The following SLC7A5 variants were observed in gnomAD, a reference collection of about 807,000 sequenced individuals.
SLC7A5 encodes solute carrier family 7 member 5.
Under a neutral mutation model 50.2 loss-of-function variants are expected in SLC7A5, and 23 were observed. The ratio of observed to expected loss-of-function variants is 0.46; its 90% CI spans 0.33 to 0.65. The LOEUF (loss-of-function observed/expected upper bound fraction) is 0.65. Among genes scored for constraint, SLC7A5 ranks in the 30% least tolerant of loss-of-function variants. SLC7A5 has a pLI of 0.02. For synonymous variants in SLC7A5, 393 were observed against 330.6 expected (o/e 1.19, Z -2.05); for missense variants, 578 against 684.4 (o/e 0.84, Z 1.73).
At chr16:87,854,985 G>C (rs561489655) in intron 1 of SLC7A5, among the ~76,000 whole-genome samples, 2 of 152,370 alleles carry the variant, frequency 1.3e-5, no homozygotes, top group African/African-American at 4.8e-5. Flanking sequence ...CCCACAGCCC[G>C]GTGAAGGAAG....
At chr16:87,863,889 C>G (rs2055427423) in intron 1 of SLC7A5, among the ~76,000 whole-genome samples, 1 of 150,660 alleles carries the variant, frequency 6.6e-6, no homozygotes. Context: ...ACTGTACCTT[C>G]TGTAGGATCA....
chr16:87,833,713 C>T lies in SLC7A5; in HGVS notation c.1469-688G>A, dbSNP rs1163359910. Among the ~76,000 whole-genome samples the T allele has an allele frequency of 5.9e-5, 9 of 152,096 alleles. No homozygotes were observed. The stretch of plus-strand genomic sequence containing the variant: ...AGCCACCCAGTGACATGGGGATCAG[C>T]ATGTAGGCCCGCAAGCACCCCGGCC... On this transcript the variant is annotated intron_variant, in intron 9 of 9. Transcript: ENST00000261622. The surrounding 1 kb of genome is among the most constrained non-coding windows in gnomAD (Gnocchi z 6.0).
rs1041077039 is a variant in SLC7A5 at position 87,861,858 on chromosome 16, C to G, written c.538+7027G>C. On this transcript the variant is annotated intron_variant, in intron 1 of 9. Transcript: ENST00000261622. This position sits in a 1 kb window ranked among gnomAD's most constrained non-coding sequence, Gnocchi z 4.2. ...CTCCCCCTACGGCCTTGCCCCGAAT[C>G]CCGTGATGCAGCGTGACCTGCCTAG... 1.3e-5 allele frequency among the ~76,000 whole-genome samples: 2 copies of G among 152,240 alleles called. No individual in the cohort carries two copies. The highest frequency in any genetic ancestry group is 2.4e-5 in the African/African-American group (1 of 41,464).
At chr16:87,848,112 T>TGCGGC (rs2055176229) in intron 2 of SLC7A5, among the ~76,000 whole-genome samples, 1 of 145,056 alleles carries the variant, frequency 6.9e-6, no homozygotes, top group Non-Finnish European at 1.5e-5. Context: ...CTTTCTTTCC[T>TGCGGC]TTTTGTGGAC....
At chr16:87,867,228 G>A (rs1240135645) in intron 1 of SLC7A5, among the ~76,000 whole-genome samples, 1 of 152,228 alleles carries the variant, frequency 6.6e-6, no homozygotes. Context: ...CCAACCAGGG[G>A]TTCATTTTTT....
In SLC7A5 at chr16:87,848,836, G is replaced by A. The variant is rs575093079; in HGVS notation, c.664+2888C>T. Reference sequence around the variant, plus strand: ...TCTCATTGGGACCCGGCATAGATGCGGCACACGGGACAGAAGATGGTTCTG... The same window carrying A: ...TCTCATTGGGACCCGGCATAGATGCAGCACACGGGACAGAAGATGGTTCTG... On this transcript the variant is annotated intron_variant, in intron 2 of 9. Coordinates refer to ENST00000261622, the MANE Select transcript of SLC7A5 (RefSeq NM_003486.7). Among the ~76,000 whole-genome samples the A allele has an allele frequency of 1.1e-4, 17 of 152,322 alleles. No homozygotes were observed. The East Asian group carries it at 2.7e-3, about 24-fold the overall frequency.
Position 87,851,853 on chromosome 16 carries a change from T to C in SLC7A5, c.539-4A>G, listed in dbSNP as rs1457795808. On this transcript the variant is annotated splice_region_variant and splice_polypyrimidine_tract_variant and intron_variant, in intron 1 of 9. Coordinates refer to ENST00000261622, the MANE Select transcript of SLC7A5 (RefSeq NM_003486.7). ...CAGTTCACGGCCGTGAGCAGCACTG[T>C]GGAGACAGAGGGCAGCGGTGAGTTC... is the stretch of plus-strand genomic sequence containing the variant. 1 of 1,612,656 alleles carries C rather than the reference T, an allele frequency of 6.2e-7. No individual in the cohort carries two copies. The highest frequency in any genetic ancestry group is 8.5e-7 in the Non-Finnish European group (1 of 1,179,934).
At chr16:87,840,086 C>T (rs2055064193) in intron 4 of SLC7A5, among the ~76,000 whole-genome samples, 1 of 152,216 alleles carries the variant, frequency 6.6e-6, no homozygotes, top group Admixed American at 6.5e-5. Context: ...TCGGGGTGAC[C>T]TCAAGGGCTC....
intron 3 of SLC7A5, among the ~76,000 whole-genome samples, chr16:87,840,838 T>G (rs962435101): frequency 7.9e-5 from 12 of 151,654 alleles, no homozygotes; most frequent in African/African-American, 2.9e-4. Context: ...AGAGCCAGAG[T>G]AGGGCTGCAG....
chr16:87,854,844 C>T (rs938680795), intron 1 of SLC7A5, among the ~76,000 whole-genome samples: 1 of 152,230 alleles, frequency 6.6e-6, no homozygotes, highest in South Asian at 2.1e-4. Flanking sequence ...TCCAGAGGAG[C>T]TGGGGTGCCT....
rs562691205 is a variant in SLC7A5 at position 87,869,174 on chromosome 16, C to T, written c.249G>A (p.Gly83=). ...ACGCGGCCCACACCACCAGCGCCAG[C>T]CCCGGCGAGCCTGCCTCCTTGAGCA... ...TGVLKEAGSP[G]LALVVWAACG... The change falls in exon 1 of 10, where the codon GGG becomes GGA. Residue 83 remains glycine, a synonymous_variant. Transcript: ENST00000261622. The T allele has an allele frequency of 3.1e-6, 5 of 1,612,272 alleles. No homozygotes were observed. The highest frequency in any genetic ancestry group is 1.1e-5 in the South Asian group (1 of 91,032).
Position 87,840,545 on chromosome 16 carries a change from T to A in SLC7A5, c.771-72A>T. The A allele has an allele frequency of 7.5e-6, 10 of 1,328,288 alleles. No individual in the cohort carries two copies. The South Asian group carries it at 1.2e-4, about 16-fold the overall frequency. 82.3% of individuals were successfully genotyped at this position (1,328,288 alleles called of 1,614,324 possible). A position where few individuals can be genotyped will look rare whatever the true frequency, so the allele number is the denominator to read the frequency against. ...AAAATAAATCACCGGGGAGAGAGCA[T>A]CCCAGGGCAGCTGGTGAGCCTGCCC... On this transcript the variant is annotated intron_variant, in intron 3 of 9. Coordinates refer to ENST00000261622, the MANE Select transcript of SLC7A5 (RefSeq NM_003486.7).
chr16:87,855,679 G>A (rs951876942), intron 1 of SLC7A5, among the ~76,000 whole-genome samples: 19 of 151,978 alleles, frequency 1.3e-4, no homozygotes, highest in Non-Finnish European at 5.9e-5. Context: ...ATAAAATCCC[G>A]CTACAAGCAA....
chr16:87,845,795 C>A (rs2055146125), intron 2 of SLC7A5, among the ~76,000 whole-genome samples: 1 of 152,148 alleles, frequency 6.6e-6, no homozygotes, highest in South Asian at 2.1e-4. Flanking sequence ...CGGGGAAAGA[C>A]CCTGAGAACT....
rs1407287726 is a variant in SLC7A5 at position 87,861,842 on chromosome 16, C to T, written c.538+7043G>A. Among the ~76,000 whole-genome samples, 4 of 152,250 alleles carry T rather than the reference C, an allele frequency of 2.6e-5. No individual in the cohort carries two copies. The highest frequency in any genetic ancestry group is 9.6e-5 in the African/African-American group (4 of 41,462). On this transcript the variant is annotated intron_variant, in intron 1 of 9. Transcript: ENST00000261622. The surrounding 1 kb of genome is among the most constrained non-coding windows in gnomAD (Gnocchi z 4.2). ...CATGTGCTTCTGTGAGCTCCCCCTA[C>T]GGCCTTGCCCCGAATCCCGTGATGC...
At chr16:87,836,916 A>C in intron 7 of SLC7A5, 1 of 511,970 alleles carries the variant, frequency 2.0e-6, no homozygotes, top group Non-Finnish European at 3.6e-6. Context: ...AATGGAGACC[A>C]CATTTGGGTT....
intron 1 of SLC7A5, among the ~76,000 whole-genome samples, chr16:87,867,260 G>A (rs1274895999): frequency 2.0e-5 from 3 of 152,182 alleles, no homozygotes; most frequent in Admixed American, 6.5e-5. Flanking sequence ...TGCAGGCTGC[G>A]TAAGCTACTA....
At position 87,833,203 on chromosome 16, in the gene SLC7A5, G is replaced by A. The variant is rs1026585115; in HGVS notation, c.1469-178C>T. Among the ~76,000 whole-genome samples the A allele has an allele frequency of 6.6e-5, 10 of 152,222 alleles. No homozygotes were observed. The highest frequency in any genetic ancestry group is 1.4e-4 in the African/African-American group (6 of 41,448). On this transcript the variant is annotated intron_variant, in intron 9 of 9. Coordinates refer to ENST00000261622, the MANE Select transcript of SLC7A5 (RefSeq NM_003486.7). This position sits in a 1 kb window ranked among gnomAD's most constrained non-coding sequence, Gnocchi z 6.0. ...TTGCGCATGTGGGTGCCGGGTGCCC[G>A]AGGCGCTGTCTTCAACTGAAATGCG...
In SLC7A5 at chr16:87,833,428, G is replaced by A. The variant is rs924837884; in HGVS notation, c.1469-403C>T. Among the ~76,000 whole-genome samples, 1 of 152,238 alleles carries A rather than the reference G, an allele frequency of 6.6e-6. No homozygotes were observed. Among genetic ancestry groups the A allele is most frequent in the African/African-American group, 2.4e-5 (1 of 41,460 alleles). ...CTGTTCACAGCAGGCAGGGCCGGAG[G>A]GGCCAATCTGCTAACGGGTCCTCGG... On this transcript the variant is annotated intron_variant, in intron 9 of 9. Coordinates refer to ENST00000261622, the MANE Select transcript of SLC7A5 (RefSeq NM_003486.7). The surrounding 1 kb of genome is among the most constrained non-coding windows in gnomAD (Gnocchi z 6.0).
Sources: gnomAD v4.1 joint callset for allele counts (sites outside exome capture counted in the v4.1 genomes callset) on GRCh38, gnomAD v4.1.1 for gene constraint, Gnocchi (gnomAD v3.1) non-coding constraint, MANE v1.5 for transcripts, NCBI Gene and HGNC (gene_info 2026-07-23, HGNC 2026-07-21) for gene names.